The following FGD4 variants were observed in gnomAD, a reference collection of about 807,000 sequenced individuals.
The protein encoded by FGD4 is FYVE, RhoGEF and PH domain-containing protein 4.
FGD4 carries 42 observed loss-of-function variants against 102.0 expected under a neutral mutation model. That is an observed-to-expected ratio of 0.41 (90% CI 0.32 to 0.53). FGD4 has a LOEUF of 0.53. Ranked by LOEUF, FGD4 falls within the 20% of genes least tolerant of loss-of-function variation. The probability of loss-of-function intolerance (pLI) is 0.21; values close to 1 mark genes in which losing one functional copy is unlikely to be tolerated. For missense variants in FGD4, 902 were observed against 1,078.2 expected (o/e 0.84, Z 2.29); for synonymous variants, 380 against 375.7 (o/e 1.01, Z -0.13).
At chr12:32,635,622 C>G (rs1044633623) in intron 15 of FGD4, among the ~76,000 whole-genome samples, 2 of 151,956 alleles carry the variant, frequency 1.3e-5, no homozygotes, top group Non-Finnish European at 2.9e-5. Context: ...ACCAAGAGGC[C>G]AAACCAAGGA....
At chr12:32,598,394 T>G in intron 4 of FGD4, 103 bp from the exon 5 acceptor site, 1 of 805,800 alleles carries the variant, frequency 1.2e-6, no homozygotes, top group East Asian at 2.5e-5. Context: ...CTGAAAAGCT[T>G]GAGAAAACTG....
At chr12:32,467,854 A>G (rs1368107970) in intron 1 of FGD4, among the ~76,000 whole-genome samples, 2 of 152,014 alleles carry the variant, frequency 1.3e-5, no homozygotes, top group African/African-American at 4.8e-5. Flanking sequence ...TGTCTCTACT[A>G]AAAATACAAA....
chr12:32,501,322 T>G (rs1565780310), intron 1 of FGD4, among the ~76,000 whole-genome samples: 1 of 152,232 alleles, frequency 6.6e-6, no homozygotes, highest in Non-Finnish European at 1.5e-5. Flanking sequence ...TCTAGATTTA[T>G]AGTTTACCTC....
intron 1 of FGD4, among the ~76,000 whole-genome samples, chr12:32,520,404 C>A (rs546506442): frequency 2.0e-5 from 3 of 148,402 alleles, no homozygotes; most frequent in African/African-American, 4.9e-5. Context: ...CTACCTTGCC[C>A]TATTTTAAGT....
intron 10 of FGD4, among the ~76,000 whole-genome samples, chr12:32,615,545 G>A: frequency 6.6e-6 from 1 of 152,180 alleles, no homozygotes; most frequent in Non-Finnish European, 1.5e-5. Flanking sequence ...GGGTAATATA[G>A]ATAGCTAAAT....
chr12:32,520,440 G>GTTTTT lies in FGD4; in HGVS notation c.167-43689_167-43685dup, dbSNP rs1167066001. Among the ~76,000 whole-genome samples the GTTTTT allele has an allele frequency of 5.1e-3, 686 of 134,048 alleles. 10 individuals carry two copies. Among genetic ancestry groups the GTTTTT allele is most frequent in the African/African-American group, 0.017 (606 of 35,858 alleles). 87.9% of individuals were successfully genotyped at this position (134,048 alleles called of 152,430 possible). ...TCTATTGTGGGTTTTTTTGTTTTTTGTTTTTTTTTTTTAGAGATGGAGTCT... is the reference window on the plus strand; with the variant it reads ...TCTATTGTGGGTTTTTTTGTTTTTTGTTTTTTTTTTTTTTTTTAGAGATGGAGTCT... On this transcript the variant is annotated intron_variant, in intron 1 of 16. Transcript: ENST00000534526.
chr12:32,571,192 C>T (rs61926170), intron 2 of FGD4, among the ~76,000 whole-genome samples: 1,696 of 152,234 alleles, frequency 0.011, 18 homozygotes, highest in South Asian at 0.056. Flanking sequence ...CGGTGGCTCA[C>T]GCCTGTAATC....
intron 2 of FGD4, among the ~76,000 whole-genome samples, chr12:32,570,395 G>A (rs1344309752): frequency 6.6e-6 from 1 of 151,924 alleles, no homozygotes; most frequent in African/African-American, 2.4e-5. Context: ...TGGACTGTTA[G>A]GTCTTTTAGT....
chr12:32,568,882 T>C (rs571862391), intron 2 of FGD4, among the ~76,000 whole-genome samples: 2 of 152,350 alleles, frequency 1.3e-5, no homozygotes, highest in East Asian at 3.9e-4. Context: ...TGATCAATTT[T>C]TTTTCCTATT....
chr12:32,399,679 A>G lies in FGD4; in HGVS notation c.-115A>G, dbSNP rs1940564292. The G allele has an allele frequency of 1.4e-6, 2 of 1,454,856 alleles. No homozygotes were observed. Among genetic ancestry groups the G allele is most frequent in the Middle Eastern group, 5.0e-4 (2 of 4,004 alleles). 90.1% of individuals were successfully genotyped at this position (1,454,856 alleles called of 1,614,324 possible). ...GCACTCGCTGAGGAGACGCCGCAGT[A>G]GAGGGCGCCCCCGGAGTCGCGCCGA... On this transcript the variant is annotated 5_prime_UTR_variant, in exon 1 of 17. Coordinates refer to ENST00000534526, the MANE Select transcript of FGD4 (RefSeq NM_001370298.3).
chr12:32,462,372 A>G (rs1042475516), intron 1 of FGD4, among the ~76,000 whole-genome samples: 1 of 151,902 alleles, frequency 6.6e-6, no homozygotes, highest in African/African-American at 2.4e-5. Flanking sequence ...TGTTGGCCAG[A>G]CTGGCCTCAA....
chr12:32,554,257 T>G (rs978718243), intron 1 of FGD4, among the ~76,000 whole-genome samples: 2 of 151,638 alleles, frequency 1.3e-5, no homozygotes, highest in Non-Finnish European at 2.9e-5. Flanking sequence ...AGCTTTTAAC[T>G]TTTTTTTTGT....
At chr12:32,518,261 C>T (rs1940107384) in intron 1 of FGD4, among the ~76,000 whole-genome samples, 3 of 152,124 alleles carry the variant, frequency 2.0e-5, no homozygotes, top group Non-Finnish European at 4.4e-5. Flanking sequence ...GAAGCAGGTA[C>T]TAGACCTTGG....
chr12:32,628,177 C>T (rs1022770174), intron 14 of FGD4, among the ~76,000 whole-genome samples: 1 of 151,964 alleles, frequency 6.6e-6, no homozygotes, highest in African/African-American at 2.4e-5. Context: ...AACTATGATC[C>T]GTTAGTGAGA....
intron 1 of FGD4, among the ~76,000 whole-genome samples, chr12:32,414,528 T>C (rs1451104726): frequency 6.6e-6 from 1 of 152,160 alleles, no homozygotes; most frequent in Non-Finnish European, 1.5e-5. Flanking sequence ...GTCTTACTTA[T>C]TCTTTCTATT....
rs142097416 is a variant in FGD4 at position 32,595,529 on chromosome 12, A to G, written c.1012-2968A>G. On this transcript the variant is annotated intron_variant, in intron 4 of 16. Coordinates refer to ENST00000534526, the MANE Select transcript of FGD4 (RefSeq NM_001370298.3). ...TTCCTATTGCCAAAGCCTTCAGTATATATTTCCTCATATCTCATTGTCTCC... is the reference window on the plus strand; with the variant it reads ...TTCCTATTGCCAAAGCCTTCAGTATGTATTTCCTCATATCTCATTGTCTCC... 1.8e-3 allele frequency among the ~76,000 whole-genome samples: 281 copies of G among 152,258 alleles called. 1 individual carries two copies. The highest frequency in any genetic ancestry group is 6.0e-3 in the African/African-American group (248 of 41,540).
intron 4 of FGD4, among the ~76,000 whole-genome samples, chr12:32,589,440 A>G (rs191071819): frequency 9.2e-5 from 14 of 152,338 alleles, no homozygotes; most frequent in African/African-American, 3.4e-4. Context: ...AGTGTATACA[A>G]GGTTCTGACT....
intron 1 of FGD4, among the ~76,000 whole-genome samples, chr12:32,423,892 C>T (rs1344444179): frequency 6.7e-6 from 1 of 149,958 alleles, no homozygotes; most frequent in African/African-American, 2.4e-5. Flanking sequence ...TTTTTGTCCA[C>T]CTTTTCCCTA....
chr12:32,585,813 C>T (rs1946975951), intron 4 of FGD4, among the ~76,000 whole-genome samples: 1 of 128,106 alleles, frequency 7.8e-6, no homozygotes, highest in African/African-American at 3.2e-5. Context: ...TCACCTGGGC[C>T]ACAGAGCTGA....
Sources: gnomAD v4.1 joint callset for allele counts (sites outside exome capture counted in the v4.1 genomes callset) on GRCh38, gnomAD v4.1.1 for gene constraint, MANE v1.5 for transcripts, NCBI Gene and HGNC (gene_info 2026-07-23, HGNC 2026-07-21) for gene names.